Variants in ATP9B observed in about 807,000 individuals in gnomAD.
ATP9B encodes ATPase phospholipid transporting 9B.
A neutral mutation model predicts 146.1 loss-of-function variants in ATP9B; 110 were observed. That is an observed-to-expected ratio of 0.75 (90% CI 0.65 to 0.88). The LOEUF (loss-of-function observed/expected upper bound fraction) is 0.88, where lower values mean the gene tolerates loss of function less well. ATP9B is among the 40% of genes least tolerant of loss of function. ATP9B has a pLI of 0.00. For missense variants in ATP9B, 1,499 were observed against 1,496.4 expected (o/e 1.00, Z -0.03); for synonymous variants, 604 against 569.7 (o/e 1.06, Z -0.86).
In ATP9B at chr18:79,126,258, GTT is replaced by G. The variant is rs1308063437; in HGVS notation, c.559-6_559-5del. The G allele has an allele frequency of 1.3e-6, 2 of 1,596,654 alleles. No individual in the cohort carries two copies. Among genetic ancestry groups the G allele is most frequent in the African/African-American group, 2.7e-5 (2 of 74,422 alleles). Reference sequence around the variant, plus strand: ...TAGTTTTCTAAAAATACCTTATTTTGTTTTATAGGGATTTGTCTTGGCTGTTA... The same window carrying G: ...TAGTTTTCTAAAAATACCTTATTTTGTTATAGGGATTTGTCTTGGCTGTTA... On this transcript the variant is annotated splice_polypyrimidine_tract_variant and splice_region_variant and intron_variant, in intron 4 of 29. Transcript: ENST00000426216.
chr18:79,119,156 T>A (rs530737), intron 4 of ATP9B, among the ~76,000 whole-genome samples: 58,626 of 151,832 alleles, frequency 0.39, 11,727 homozygotes, highest in East Asian at 0.52. Context: ...TTCTTCTTAA[T>A]AAAGTAAAGC....
chr18:79,220,204 G>A (rs886677334), intron 11 of ATP9B, among the ~76,000 whole-genome samples: 5 of 152,206 alleles, frequency 3.3e-5, no homozygotes, highest in South Asian at 2.1e-4. Flanking sequence ...TTCGAGTACA[G>A]TGATGAAAAT....
intron 7 of ATP9B, among the ~76,000 whole-genome samples, chr18:79,168,377 T>TG (rs1380295185): frequency 2.4e-5 from 3 of 126,746 alleles, no homozygotes; most frequent in East Asian, 2.6e-4. Context: ...TTTTTGATTT[T>TG]GTTTTTTTTT....
intron 2 of ATP9B, among the ~76,000 whole-genome samples, chr18:79,100,588 TA>T (rs2075196751): frequency 1.3e-5 from 2 of 152,170 alleles, no homozygotes; most frequent in African/African-American, 4.8e-5. Flanking sequence ...TTTTACTTTT[TA>T]AAAAAATTTT....
At chr18:79,119,810 C>G (rs2094157231) in intron 4 of ATP9B, among the ~76,000 whole-genome samples, 2 of 152,184 alleles carry the variant, frequency 1.3e-5, no homozygotes, top group South Asian at 4.1e-4. Flanking sequence ...TTATATGCAT[C>G]TTAACCTTTG....
At chr18:79,329,100 C>T in intron 15 of ATP9B, 41 bp from the exon 16 acceptor site, 1 of 1,485,208 alleles carries the variant, frequency 6.7e-7, no homozygotes, top group Non-Finnish European at 9.0e-7. Flanking sequence ...TGCGGCTTTC[C>T]TGAGGCAGCG....
At chr18:79,259,647 C>A (rs1336844728) in intron 12 of ATP9B, among the ~76,000 whole-genome samples, 1 of 152,176 alleles carries the variant, frequency 6.6e-6, no homozygotes, top group Non-Finnish European at 1.5e-5. Context: ...TGCCTGTGCG[C>A]TTCCAGAGCA....
rs754447079 is a variant in ATP9B, at chr18:79,206,929, C to G, written c.955-8C>G. 3.1e-6 allele frequency: 5 copies of G among 1,613,428 alleles called. No homozygotes were observed. The South Asian group carries it at 5.5e-5, about 18-fold the overall frequency. On this transcript the variant is annotated splice_polypyrimidine_tract_variant and splice_region_variant and intron_variant, in intron 9 of 29. Transcript: ENST00000426216. ...ACGGTTTTGTTTTCTTTTTGTCTCC[C>G]TGCACAGGAAGACAGTGACCCGCCC... is the stretch of plus-strand genomic sequence containing the variant.
At chr18:79,289,508 A>G (rs1239830201) in intron 13 of ATP9B, among the ~76,000 whole-genome samples, 1 of 152,106 alleles carries the variant, frequency 6.6e-6, no homozygotes. Flanking sequence ...TTCTAGTTAT[A>G]CATTCGTCTA....
intron 5 of ATP9B, among the ~76,000 whole-genome samples, chr18:79,132,788 G>GT (rs1289778009): frequency 3.9e-5 from 6 of 152,284 alleles, no homozygotes; most frequent in Non-Finnish European, 5.9e-5. Context: ...CATTTGGACT[G>GT]TGTCATTTTG....
chr18:79,367,894 CAG>C (rs1054636135), intron 26 of ATP9B, among the ~76,000 whole-genome samples: 9 of 152,254 alleles, frequency 5.9e-5, no homozygotes, highest in Admixed American at 6.5e-5. Flanking sequence ...GACGGGGAGA[CAG>C]AGGCGCTGGC....
intron 9 of ATP9B, among the ~76,000 whole-genome samples, chr18:79,201,659 C>G (rs1016861370): frequency 1.2e-4 from 18 of 152,154 alleles, no homozygotes; most frequent in Non-Finnish European, 1.9e-4. Flanking sequence ...TAGCCTGTGC[C>G]TCCTTGTTCA....
At chr18:79,248,013 T>C (rs1356073406) in intron 11 of ATP9B, among the ~76,000 whole-genome samples, 1 of 152,200 alleles carries the variant, frequency 6.6e-6, no homozygotes, top group African/African-American at 2.4e-5. Context: ...GTGCTGATAC[T>C]TATTTAGGGA....
chr18:79,373,890 T>C lies in ATP9B; in HGVS notation c.3071-8T>C. ...GTGTGCATGGAAAAAGCTCCTGCTG[T>C]TTTTCAGGCGGCATCCTCATGTATG... On this transcript the variant is annotated splice_polypyrimidine_tract_variant and splice_region_variant and intron_variant, in intron 27 of 29. Coordinates refer to ENST00000426216, the MANE Select transcript of ATP9B (RefSeq NM_198531.5). The C allele has an allele frequency of 6.2e-7, 1 of 1,612,458 alleles. No individual in the cohort carries two copies. Among genetic ancestry groups the C allele is most frequent in the Non-Finnish European group, 8.5e-7 (1 of 1,180,006 alleles).
chr18:79,226,430 A>G (rs1476244530), intron 11 of ATP9B, among the ~76,000 whole-genome samples: 1 of 152,170 alleles, frequency 6.6e-6, no homozygotes, highest in East Asian at 1.9e-4. Flanking sequence ...GATGTAACAA[A>G]ATGTGCAGGT....
At chr18:79,072,881 C>T (rs1314475279) in intron 1 of ATP9B, among the ~76,000 whole-genome samples, 2 of 150,992 alleles carry the variant, frequency 1.3e-5, no homozygotes, top group Admixed American at 6.6e-5. Flanking sequence ...GACAGGGTGG[C>T]GGCTGGGTAG....
At chr18:79,363,104 C>T (rs983241411) in intron 26 of ATP9B, 10 of 152,188 alleles carry the variant, frequency 6.6e-5, no homozygotes, top group Admixed American at 5.9e-4. Context: ...CCAAGGAATC[C>T]ACACACATAC....
chr18:79,252,489 A>G (rs960727453), intron 11 of ATP9B, among the ~76,000 whole-genome samples: 4 of 152,204 alleles, frequency 2.6e-5, no homozygotes, highest in African/African-American at 9.7e-5. Flanking sequence ...GAAAGCAAGC[A>G]AGGAGAAACA....
intron 15 of ATP9B, among the ~76,000 whole-genome samples, chr18:79,315,597 T>C (rs2096675030): frequency 4.6e-5 from 7 of 152,250 alleles, no homozygotes; most frequent in Admixed American, 6.5e-5. Context: ...ATTGCTAATA[T>C]GATAAAGGAA....
Sources: allele counts gnomAD v4.1 joint callset (sites outside exome capture counted in the v4.1 genomes callset), GRCh38; gene constraint gnomAD v4.1.1; transcripts MANE v1.5; gene names NCBI Gene and HGNC (gene_info 2026-07-23, HGNC 2026-07-21).